IL20: variants seen among roughly 807,000 people sequenced by gnomAD.
The protein encoded by IL20 is interleukin-20.
A neutral mutation model predicts 19.2 loss-of-function variants in IL20; 22 were observed. The observed-to-expected ratio is 1.15, with a 90% CI of 0.82 to 1.64. The LOEUF (loss-of-function observed/expected upper bound fraction) is 1.64. Ranked by LOEUF, IL20 falls within the 40% of genes most tolerant of loss-of-function variation. The pLI is 0.00. For synonymous variants in IL20, 70 were observed against 76.2 expected, an observed-to-expected ratio of 0.92 and a Z score of 0.43; for missense variants, 215 against 212.8, an observed-to-expected ratio of 1.01 and a Z score of -0.06.
At chr1:206,866,115 G>T (rs1677538087) in intron 2 of IL20, 104 bp downstream of exon 2, 3 of 1,253,596 alleles carry the variant, frequency 2.4e-6, no homozygotes, top group South Asian at 1.3e-5. Flanking sequence ...AAAGAGGCAG[G>T]CTGGGGATTC....
upstream of IL20, among the ~76,000 whole-genome samples, chr1:206,865,054 AG>A (rs1330957726): frequency 1.3e-5 from 2 of 152,180 alleles, no homozygotes; most frequent in East Asian, 3.8e-4. The surrounding 1 kb of genome is among the most constrained non-coding windows in gnomAD (Gnocchi z 4.1). Context: ...TTGCAGGTCC[AG>A]GAAAGCGTGT....
Position 206,865,781 on chromosome 1 carries a change from G to A in IL20, c.-30-42G>A. ...CCTCACCCCGTGGACACTTGGAGGA[G>A]GGGAAACTCAGTAAGTCATGCTCTC... On this transcript the variant is annotated intron_variant, in intron 1 of 5. Transcript: ENST00000367098. This position sits in a 1 kb window ranked among gnomAD's most constrained non-coding sequence, Gnocchi z 4.1. The A allele has an allele frequency of 6.3e-7, 1 of 1,579,922 alleles. No homozygotes were observed. Among genetic ancestry groups the A allele is most frequent in the Admixed American group, 1.7e-5 (1 of 57,384 alleles).
At chr1:206,867,289 T>A in intron 4 of IL20, 95 bp from the exon 5 acceptor site, 1 of 995,434 alleles carries the variant, frequency 1.0e-6, no homozygotes. Context: ...ATCCTCAGGG[T>A]TGTGGGTGAA....
chr1:206,868,436 G>GCAGGAC, intron 5 of IL20, 51 bp from the exon 6 acceptor site: 1 of 1,400,812 alleles, frequency 7.1e-7, no homozygotes, highest in Non-Finnish European at 9.8e-7. Flanking sequence ...AGGTCCTGGA[G>GCAGGAC]CAAATGCTGT....
chr1:206,867,304 T>C, intron 4 of IL20, 80 bp from the exon 5 acceptor site: 4 of 1,194,988 alleles, frequency 3.3e-6, no homozygotes, highest in Non-Finnish European at 4.9e-6. Flanking sequence ...GGTGAAAGAG[T>C]AGAGTTTCTG....
At position 206,867,434 on chromosome 1, in the gene IL20, C is replaced by T. The variant is rs200752891; in HGVS notation, c.429C>T (p.Ser143=). The T allele has an allele frequency of 2.0e-5, 32 of 1,613,714 alleles. No individual in the cohort carries two copies. The highest frequency in any genetic ancestry group is 2.5e-5 in the Non-Finnish European group (29 of 1,179,704). The change falls in exon 5 of 6, where the codon AGC becomes AGT. Residue 143 remains serine, a synonymous_variant. Transcript: ENST00000367098. ...GGGAGGAAGCAATGAAGAAATACAGCCAGATTCTGAGTCACTTTGAAAAGG... is the reference window on the plus strand; with the variant it reads ...GGGAGGAAGCAATGAAGAAATACAGTCAGATTCTGAGTCACTTTGAAAAGG... ...HCGEEAMKKY[S]QILSHFEKLE... is the part of the protein sequence containing the mutation.
chr1:206,867,528 G>T, intron 5 of IL20, 70 bp downstream of exon 5: 3 of 1,205,600 alleles, frequency 2.5e-6, no homozygotes, highest in Non-Finnish European at 3.7e-6. Context: ...AGGTGGGATG[G>T]TTATTCACTG....
chr1:206,866,134 G>A (rs1455523951), intron 2 of IL20, 123 bp downstream of exon 2: 1 of 1,162,988 alleles, frequency 8.6e-7, no homozygotes, highest in African/African-American at 1.5e-5. Flanking sequence ...TCCTTACCCG[G>A]GGGATGTATT....
chr1:206,864,845 G>A (rs997804795), upstream of IL20, among the ~76,000 whole-genome samples: 4 of 151,946 alleles, frequency 2.6e-5, no homozygotes, highest in Non-Finnish European at 5.9e-5. Context: ...AGGTTTTTTA[G>A]TGCTCCCTTA....
In IL20 at chr1:206,865,832, T is replaced by C; in HGVS notation, c.-21T>C. ...TTCTTTGAATTCCTAGCTCCTGTGG[T>C]CTCCAGATTTCAGGCCTAAGATGAA... On this transcript the variant is annotated 5_prime_UTR_variant, in exon 2 of 6. Transcript: ENST00000367098. This position sits in a 1 kb window ranked among gnomAD's most constrained non-coding sequence, Gnocchi z 4.1. The C allele has an allele frequency of 6.2e-7, 1 of 1,613,172 alleles. No homozygotes were observed. Among genetic ancestry groups the C allele is most frequent in the South Asian group, 1.1e-5 (1 of 91,002 alleles).
In IL20 at chr1:206,866,308, G is replaced by T. The variant is rs142487972; in HGVS notation, c.169G>T (p.Asp57Tyr). The T allele has an allele frequency of 2.7e-5, 44 of 1,614,004 alleles. No homozygotes were observed. The highest frequency in any genetic ancestry group is 3.7e-5 in the Non-Finnish European group (44 of 1,179,990). ...GTCTTCTTCTGTTTAGCAAGCCAAA[G>T]ATGGAAACATTGACATCAGAATCTT... The part of the protein sequence containing the change: ...SEIRGSVQAK[D>Y]GNIDIRILRR... The change falls in exon 3 of 6, where the codon GAT becomes TAT. Residue 57 changes from aspartate (D) to tyrosine (Y), a missense_variant. Asp to Tyr is a radical substitution (Grantham distance 160). Transcript: ENST00000367098.
At chr1:206,866,135 G>A in intron 2 of IL20, 124 bp downstream of exon 2, 7 of 1,160,536 alleles carry the variant, frequency 6.0e-6, no homozygotes, top group Non-Finnish European at 8.9e-6. Flanking sequence ...CCTTACCCGG[G>A]GGATGTATTC....
chr1:206,868,594 TC>T lies in IL20; in HGVS notation c.*31del, dbSNP rs1244163438. The T allele has an allele frequency of 1.9e-6, 3 of 1,551,268 alleles. No homozygotes were observed. The highest frequency in any genetic ancestry group is 2.6e-6 in the Non-Finnish European group (3 of 1,142,790). On this transcript the variant is annotated 3_prime_UTR_variant, in exon 6 of 6. Coordinates refer to ENST00000367098, the MANE Select transcript of IL20 (RefSeq NM_018724.4). The stretch of plus-strand genomic sequence containing the variant: ...AAAGTGATGCTGCTGCTAAGAATAT[TC>T]GAGGTCAAGAGCTCCAGTCTTCAAT...
intron 2 of IL20, 106 bp from the exon 3 acceptor site, chr1:206,866,193 C>T: frequency 8.1e-7 from 1 of 1,238,272 alleles, no homozygotes; most frequent in Non-Finnish European, 1.2e-6. Context: ...TGGGAAAGGA[C>T]ACCTCCCACT....
At chr1:206,867,838 C>A (rs950394815) in intron 5 of IL20, among the ~76,000 whole-genome samples, 1 of 152,026 alleles carries the variant, frequency 6.6e-6, no homozygotes, top group African/African-American at 2.4e-5. Flanking sequence ...CACACCTTCT[C>A]ATGTCTGCCA....
chr1:206,865,791 A>G lies in IL20; in HGVS notation c.-30-32A>G. 6.3e-7 allele frequency: 1 copy of G among 1,590,586 alleles called. No homozygotes were observed. The highest frequency in any genetic ancestry group is 1.1e-5 in the South Asian group (1 of 87,640). ...TGGACACTTGGAGGAGGGGAAACTC[A>G]GTAAGTCATGCTCTCTTCTTTGAAT... On this transcript the variant is annotated intron_variant, in intron 1 of 5. Transcript: ENST00000367098. This position sits in a 1 kb window ranked among gnomAD's most constrained non-coding sequence, Gnocchi z 4.1.
chr1:206,866,707 T>G, intron 4 of IL20, 71 bp downstream of exon 4: 3 of 1,416,118 alleles, frequency 2.1e-6, no homozygotes, highest in Non-Finnish European at 2.0e-6. Context: ...CTAAACTCTC[T>G]TTCCTACCTC....
chr1:206,868,349 T>C (rs1234110935), intron 5 of IL20, 138 bp from the exon 6 acceptor site: 6 of 463,120 alleles, frequency 1.3e-5, no homozygotes, highest in Non-Finnish European at 2.2e-5. Flanking sequence ...CTTGAGATTC[T>C]ATAACTTCTT....
chr1:206,866,812 G>A (rs1041893184), intron 4 of IL20, among the ~76,000 whole-genome samples, 176 bp downstream of exon 4: 7 of 152,070 alleles, frequency 4.6e-5, no homozygotes, highest in South Asian at 2.1e-4. Flanking sequence ...TTGACTTTTC[G>A]GTATATGCTC....
Sources: gnomAD v4.1 joint callset for allele counts (sites outside exome capture counted in the v4.1 genomes callset) on GRCh38, gnomAD v4.1.1 for gene constraint, Gnocchi (gnomAD v3.1) non-coding constraint, MANE v1.5 for transcripts, NCBI Gene and HGNC (gene_info 2026-07-23, HGNC 2026-07-21) for gene names.